SCP2: variants seen among roughly 807,000 people sequenced by gnomAD.
SCP2 encodes the protein SCP-2/3-oxoacyl-CoA thiolase.
Under a neutral mutation model 71.4 loss-of-function variants are expected in SCP2, and 48 were observed. That is an observed-to-expected ratio of 0.67 (90% CI 0.53 to 0.86). The LOEUF is 0.86. SCP2 is among the 40% of genes least tolerant of loss of function. SCP2 has a pLI of 0.00. For synonymous variants in SCP2, 220 were observed against 218.1 expected, an observed-to-expected ratio of 1.01 and a Z score of -0.08; for missense variants, 560 against 655.6, an observed-to-expected ratio of 0.85 and a Z score of 1.59.
intron 5 of SCP2, among the ~76,000 whole-genome samples, chr1:52,955,704 G>C (rs1000941244): frequency 2.0e-5 from 3 of 152,026 alleles, no homozygotes; most frequent in African/African-American, 7.2e-5. Flanking sequence ...TTTTCTTCTG[G>C]AGGAAAGCAC....
At chr1:52,936,728 C>T (rs757277779) in intron 1 of SCP2, among the ~76,000 whole-genome samples, 8 of 151,918 alleles carry the variant, frequency 5.3e-5, no homozygotes, top group Admixed American at 1.3e-4. Flanking sequence ...TCTTTGGATG[C>T]GTATTTGGGT....
Position 52,961,563 on chromosome 1 carries a change from T to C in SCP2, c.457T>C (p.Leu153=), listed in dbSNP as rs901964561. The C allele has an allele frequency of 6.2e-7, 1 of 1,613,684 alleles. No individual in the cohort carries two copies. Among genetic ancestry groups the C allele is most frequent in the African/African-American group, 1.3e-5 (1 of 74,914 alleles). Residue 153 remains leucine, a synonymous_variant, in exon 6 of 16, where the codon TTG becomes CTG. Transcript: ENST00000371514. ...HVDLLINKYG[L]SAHPVAPQMF... is the part of the protein sequence containing the mutation. ...TGACCTCCTGATCAATAAGTATGGA[T>C]TGTCTGCTCACCCAGTTGCTCCTCA...
chr1:53,027,906 A>T lies in SCP2; in HGVS notation c.1236-63A>T. On this transcript the variant is annotated intron_variant, in intron 12 of 15. Coordinates refer to ENST00000371514, the MANE Select transcript of SCP2 (RefSeq NM_002979.5). ...TGAAAATTTTGAAAATTACTATTTT[A>T]TAAATGTTGAAAAACCTAGTACCTA... 6.7e-6 allele frequency: 6 copies of T among 893,520 alleles called. No homozygotes were observed. The Admixed American group carries it at 9.6e-5, about 14-fold the overall frequency. The allele number at this position is 893,520 out of a possible 1,614,324, so 55.3% of individuals were successfully genotyped here. A position where few individuals can be genotyped will look rare whatever the true frequency, so the allele number is the denominator to read the frequency against.
At chr1:52,995,785 C>T in intron 11 of SCP2, 1 of 814,186 alleles carries the variant, frequency 1.2e-6, no homozygotes, top group Non-Finnish European at 2.2e-6. Flanking sequence ...AGATGGCGGT[C>T]ACCTTAATCG....
At chr1:52,962,716 T>C (rs775713640) in intron 6 of SCP2, among the ~76,000 whole-genome samples, 1 of 152,138 alleles carries the variant, frequency 6.6e-6, no homozygotes, top group Non-Finnish European at 1.5e-5. Context: ...CCTAAGATTG[T>C]CAGAGCCAGC....
chr1:52,931,392 C>A (rs917885550), intron 1 of SCP2, among the ~76,000 whole-genome samples: 1 of 152,168 alleles, frequency 6.6e-6, no homozygotes, highest in East Asian at 1.9e-4. Context: ...TCTTTTACCA[C>A]CAGGTGACTT....
intron 10 of SCP2, among the ~76,000 whole-genome samples, chr1:52,981,832 G>T (rs909260385): frequency 6.6e-6 from 1 of 151,052 alleles, no homozygotes; most frequent in Admixed American, 6.6e-5. Flanking sequence ...TAAAAGTATT[G>T]TGTGGGCATT....
chr1:52,969,006 T>G (rs530416007), intron 6 of SCP2, among the ~76,000 whole-genome samples: 53 of 152,070 alleles, frequency 3.5e-4, no homozygotes, highest in African/African-American at 1.3e-3. Flanking sequence ...AAGGTGATCA[T>G]CTTAAAGATC....
intron 14 of SCP2, among the ~76,000 whole-genome samples, chr1:53,046,544 A>T (rs1663832873): frequency 6.6e-6 from 1 of 151,912 alleles, no homozygotes; most frequent in Non-Finnish European, 1.5e-5. Flanking sequence ...GAGCAGTAGG[A>T]GTTCTTTTTT....
At chr1:52,995,851 C>T in intron 11 of SCP2, 2 of 1,224,568 alleles carry the variant, frequency 1.6e-6, no homozygotes, top group Admixed American at 1.9e-5. Context: ...AGTTCACTGC[C>T]ATGTTCCCCT....
intron 5 of SCP2, among the ~76,000 whole-genome samples, chr1:52,960,480 ATGTGTGTGTGTGTG>A (rs71044447): frequency 4.9e-4 from 69 of 139,596 alleles, no homozygotes; most frequent in East Asian, 3.0e-3. Context: ...TACTATGTAT[ATGTGTGTGTGTGTG>A]TGTGTGTGTG....
At chr1:53,012,287 A>G (rs922989508) in intron 11 of SCP2, among the ~76,000 whole-genome samples, 1 of 152,230 alleles carries the variant, frequency 6.6e-6, no homozygotes, top group African/African-American at 2.4e-5. Flanking sequence ...TTCCCCACTC[A>G]GTCTATTAGC....
Position 52,980,477 on chromosome 1 carries a change from G to T in SCP2, c.907G>T (p.Glu303Ter). ...GLTPNDIDVIELHDCFSTNEL... is the reference protein window; with the variant it reads ...GLTPNDIDVI ...GACACCAAATGATATTGACGTAATA[G>T]AACTTCACGATTGCTTTTCTACCAA... Residue 303 changes from glutamate to a stop codon, truncating the protein, a stop_gained, in exon 10 of 16, where the codon GAA becomes TAA. Coordinates refer to ENST00000371514, the MANE Select transcript of SCP2 (RefSeq NM_002979.5). LOFTEE classifies it high-confidence loss of function. The T allele has an allele frequency of 6.2e-7, 1 of 1,613,886 alleles. No individual in the cohort carries two copies.
chr1:53,048,349 T>G, intron 15 of SCP2: 1 of 272,680 alleles, frequency 3.7e-6, no homozygotes, highest in South Asian at 4.3e-5. Flanking sequence ...AGGGGTGGCA[T>G]GAACAAAGGC....
At chr1:52,961,281 A>G (rs773728723) in intron 5 of SCP2, among the ~76,000 whole-genome samples, 4 of 151,688 alleles carry the variant, frequency 2.6e-5, no homozygotes, top group African/African-American at 4.8e-5. Flanking sequence ...TGGATGCCCA[A>G]TAAATATTTC....
At chr1:53,017,185 T>C (rs546038168) in intron 12 of SCP2, among the ~76,000 whole-genome samples, 59 of 152,340 alleles carry the variant, frequency 3.9e-4, no homozygotes, top group African/African-American at 1.3e-3. Context: ...AGCCCAACTT[T>C]GTTTTGTATT....
At position 53,050,935 on chromosome 1, in the gene SCP2, A is replaced by G. The variant is rs1664162653; in HGVS notation, c.*231A>G. 2 of 369,536 alleles carry G rather than the reference A, an allele frequency of 5.4e-6. No individual in the cohort carries two copies. The highest frequency in any genetic ancestry group is 8.0e-5 in the South Asian group (2 of 24,924). The allele number at this position is 369,536 out of a possible 1,614,324, so 22.9% of individuals were successfully genotyped here. A position where few individuals can be genotyped will look rare whatever the true frequency, so the allele number is the denominator to read the frequency against. ...TACAACTGTGCATTACAAAGTTAATATGGTAATTATGGTCTGGGGTAAAAT... is the reference window on the plus strand; with the variant it reads ...TACAACTGTGCATTACAAAGTTAATGTGGTAATTATGGTCTGGGGTAAAAT... On this transcript the variant is annotated 3_prime_UTR_variant, in exon 16 of 16. Transcript: ENST00000371514.
In SCP2 at chr1:52,976,445, CT is replaced by C. The variant is rs528844462; in HGVS notation, c.588-235del. On this transcript the variant is annotated intron_variant, in intron 7 of 15. Coordinates refer to ENST00000371514, the MANE Select transcript of SCP2 (RefSeq NM_002979.5). The stretch of plus-strand genomic sequence containing the variant: ...TCTATCATTCAGGAAATTCCAAGGG[CT>C]TTGGAAGCTCCAAGCCAGGAACCCA... Among the ~76,000 whole-genome samples the C allele has an allele frequency of 1.2e-3, 189 of 152,262 alleles. 1 individual carries two copies. Among genetic ancestry groups the C allele is most frequent in the African/African-American group, 4.0e-3 (167 of 41,524 alleles).
chr1:53,014,970 C>CTAAAA lies in SCP2; in HGVS notation c.1163_1164insAAAAT (p.Gln389LysfsTer6). The stretch of plus-strand genomic sequence containing the variant: ...GCAAGTTCCTGGTGCAAAGGTGGCT[C>CTAAAA]TGCAGCATAATTTAGGCATTGGAGG... On this transcript the variant is annotated frameshift_variant, in exon 12 of 16. Coordinates refer to ENST00000371514, the MANE Select transcript of SCP2 (RefSeq NM_002979.5). LOFTEE classifies it high-confidence loss of function. The CTAAAA allele has an allele frequency of 6.2e-7, 1 of 1,614,038 alleles. No homozygotes were observed. Among genetic ancestry groups the CTAAAA allele is most frequent in the Non-Finnish European group, 8.5e-7 (1 of 1,179,960 alleles).
Sources: allele counts gnomAD v4.1 joint callset (sites outside exome capture counted in the v4.1 genomes callset), GRCh38; gene constraint gnomAD v4.1.1; transcripts MANE v1.5; gene names NCBI Gene and HGNC (gene_info 2026-07-23, HGNC 2026-07-21).